MTREX: variants seen among roughly 807,000 people sequenced by gnomAD.
MTREX encodes Mtr4 exosome RNA helicase.
Under a neutral mutation model 135.4 loss-of-function variants are expected in MTREX, and 76 were observed. The observed-to-expected ratio is 0.56, with a 90% CI of 0.47 to 0.68. The LOEUF (loss-of-function observed/expected upper bound fraction) is 0.68. MTREX is among the 30% of genes least tolerant of loss of function. The pLI is 0.00. For synonymous variants in MTREX, 404 were observed against 401.6 expected (o/e 1.01, Z -0.07); for missense variants, 920 against 1,262.1 (o/e 0.73, Z 4.11).
rs542982947 is a variant in MTREX, at chr5:55,377,321, C to T, written c.1811-993C>T. Among the ~76,000 whole-genome samples the T allele has an allele frequency of 3.3e-5, 5 of 151,824 alleles. No homozygotes were observed. In the South Asian group the frequency reaches 1.0e-3, roughly 32 times the overall value. On this transcript the variant is annotated intron_variant, in intron 16 of 26. Coordinates refer to ENST00000230640, the MANE Select transcript of MTREX (RefSeq NM_015360.5). ...TAGCCTGGGCGACAGAGCGAGACTC[C>T]GTCTCTAAAAAAAAAGAAGAAAAAA...
At chr5:55,413,300 G>T (rs113769022) in intron 23 of MTREX, among the ~76,000 whole-genome samples, 2,689 of 147,486 alleles carry the variant, frequency 0.018, 32 homozygotes, top group Non-Finnish European at 0.027. Context: ...TTGCACCATT[G>T]CACTCCAGCT....
intron 23 of MTREX, 139 bp downstream of exon 23, chr5:55,410,768 A>G: frequency 2.1e-6 from 1 of 474,086 alleles, no homozygotes; most frequent in Middle Eastern, 5.4e-4. Context: ...CAACTTTAAC[A>G]CAAATGTACT....
intron 21 of MTREX, among the ~76,000 whole-genome samples, chr5:55,402,342 ACC>A (rs1356335212): frequency 1.9e-3 from 297 of 152,334 alleles, no homozygotes; most frequent in African/African-American, 4.9e-3. Flanking sequence ...TCATCTCTTA[ACC>A]AGGACCATTG....
chr5:55,398,687 G>A (rs1168931475), intron 20 of MTREX, among the ~76,000 whole-genome samples: 1 of 152,190 alleles, frequency 6.6e-6, no homozygotes, highest in East Asian at 1.9e-4. Context: ...GGTTAGGTCA[G>A]TTGTCATTTT....
intron 25 of MTREX, among the ~76,000 whole-genome samples, chr5:55,419,312 A>G (rs537754139): frequency 3.3e-4 from 50 of 152,376 alleles, no homozygotes; most frequent in Middle Eastern, 6.8e-3. Flanking sequence ...ATATGAAAAT[A>G]AAAGTGTCTG....
At chr5:55,352,090 G>C (rs1749839584) in intron 13 of MTREX, among the ~76,000 whole-genome samples, 1 of 151,308 alleles carries the variant, frequency 6.6e-6, no homozygotes, top group Admixed American at 6.6e-5. Context: ...TCACCATGTT[G>C]GCCAGGCTGG....
intron 20 of MTREX, 107 bp downstream of exon 20, chr5:55,397,633 C>A: frequency 1.8e-6 from 1 of 569,918 alleles, no homozygotes; most frequent in Non-Finnish European, 2.9e-6. Flanking sequence ...TTTCAGAATA[C>A]CTATAAATAC....
At chr5:55,395,587 T>TAG (rs1186470332) in intron 19 of MTREX, among the ~76,000 whole-genome samples, 1 of 152,116 alleles carries the variant, frequency 6.6e-6, no homozygotes, top group Non-Finnish European at 1.5e-5. Context: ...TTCTTAATTG[T>TAG]AGAGAGTAAA....
At chr5:55,397,941 A>G (rs535409272) in intron 20 of MTREX, among the ~76,000 whole-genome samples, 2 of 152,304 alleles carry the variant, frequency 1.3e-5, no homozygotes, top group East Asian at 3.9e-4. Context: ...CTAGTAGAAA[A>G]AAGGTGCAGT....
At chr5:55,342,032 A>G (rs1019079750) in intron 7 of MTREX, among the ~76,000 whole-genome samples, 3 of 152,060 alleles carry the variant, frequency 2.0e-5, no homozygotes, top group East Asian at 1.9e-4. Flanking sequence ...CAGTCCCCCA[A>G]GTAGCTGGAA....
intron 19 of MTREX, among the ~76,000 whole-genome samples, chr5:55,397,083 G>C (rs2111584056): frequency 6.6e-6 from 1 of 152,188 alleles, no homozygotes; most frequent in Non-Finnish European, 1.5e-5. Context: ...TAGTACTATA[G>C]TACCTTTATG....
At chr5:55,343,536 T>C (rs771195172) in intron 8 of MTREX, 81 bp downstream of exon 8, 1 of 1,221,182 alleles carries the variant, frequency 8.2e-7, no homozygotes, top group Non-Finnish European at 1.2e-6. Context: ...TTTGCTTTTC[T>C]CCTGATGTTG....
chr5:55,355,540 C>G (rs772036324), intron 14 of MTREX, among the ~76,000 whole-genome samples: 5 of 152,108 alleles, frequency 3.3e-5, no homozygotes, highest in Non-Finnish European at 7.4e-5. Context: ...GGCTGGTGGG[C>G]CAGGGACCCT....
Position 55,345,130 on chromosome 5 carries a change from C to G in MTREX, c.1042C>G (p.Gln348Glu). The G allele has an allele frequency of 6.2e-7, 1 of 1,613,478 alleles. No homozygotes were observed. Among genetic ancestry groups the G allele is most frequent in the Non-Finnish European group, 8.5e-7 (1 of 1,179,710 alleles). Residue 348 changes from glutamine (Q) to glutamate (E), a missense_variant, in exon 10 of 27, where the codon CAA (glutamine) becomes GAA (glutamate). Gln to Glu is a conservative substitution (Grantham distance 29). Coordinates refer to ENST00000230640, the MANE Select transcript of MTREX (RefSeq NM_015360.5). ...AGAAGATAATTTTAATACTGCAATG[C>G]AAGTGCTTCGAGATGCAGGTGATTT... is the stretch of plus-strand genomic sequence containing the variant. ...FREDNFNTAM[Q>E]VLRDAGDLAK...
At chr5:55,403,147 G>T (rs2111597378) in intron 21 of MTREX, among the ~76,000 whole-genome samples, 1 of 152,036 alleles carries the variant, frequency 6.6e-6, no homozygotes, top group South Asian at 2.1e-4. Flanking sequence ...GCTACAGTGA[G>T]CCATGGTTGC....
intron 23 of MTREX, among the ~76,000 whole-genome samples, chr5:55,413,523 G>A (rs1344204367): frequency 6.6e-6 from 1 of 151,982 alleles, no homozygotes; most frequent in African/African-American, 2.4e-5. Flanking sequence ...TTCTTTGACA[G>A]GGCAGAAAAC....
chr5:55,404,094 A>G (rs985535368), intron 21 of MTREX, among the ~76,000 whole-genome samples: 1 of 152,232 alleles, frequency 6.6e-6, no homozygotes, highest in East Asian at 1.9e-4. Flanking sequence ...AATAGAGGAC[A>G]TTGGTAGTCT....
chr5:55,425,153 A>AG lies in MTREX; in HGVS notation c.*381_*382insG. 1 of 1,576,754 alleles carries AG rather than the reference A, an allele frequency of 6.3e-7. No individual in the cohort carries two copies. Among genetic ancestry groups the AG allele is most frequent in the Non-Finnish European group, 8.6e-7 (1 of 1,163,912 alleles). ...AAGATGCATCCTCTTGCCTTGTGGC[A>AG]ATCATTTTCCTTTAGAAAACAGGCC... On this transcript the variant is annotated 3_prime_UTR_variant, in exon 27 of 27. Coordinates refer to ENST00000230640, the MANE Select transcript of MTREX (RefSeq NM_015360.5).
At chr5:55,347,264 C>T in intron 11 of MTREX, 120 bp downstream of exon 11, 1 of 925,410 alleles carries the variant, frequency 1.1e-6, no homozygotes, top group Admixed American at 3.1e-5. Flanking sequence ...ACAGTTACAG[C>T]AGTACTCAGC....
Sources: gnomAD v4.1 joint callset for allele counts (sites outside exome capture counted in the v4.1 genomes callset) on GRCh38, gnomAD v4.1.1 for gene constraint, MANE v1.5 for transcripts, NCBI Gene and HGNC (gene_info 2026-07-23, HGNC 2026-07-21) for gene names.